ARMC8: variants seen among roughly 807,000 people sequenced by gnomAD.
The protein encoded by ARMC8 is armadillo repeat-containing protein 8.
Under a neutral mutation model 99.3 loss-of-function variants are expected in ARMC8, and 20 were observed. The ratio of observed to expected loss-of-function variants is 0.20; its 90% confidence interval spans 0.14 to 0.29. The LOEUF (loss-of-function observed/expected upper bound fraction) is 0.29, where lower values mean the gene tolerates loss of function less well. ARMC8 is among the 10% of genes least tolerant of loss of function. The pLI is 1.00. For missense variants in ARMC8, 569 were observed against 809.5 expected (o/e 0.70, Z 3.60); for synonymous variants, 263 against 278.3 (o/e 0.95, Z 0.55).
At chr3:138,274,898 G>T (rs543103132) in intron 18 of ARMC8, among the ~76,000 whole-genome samples, 1 of 152,136 alleles carries the variant, frequency 6.6e-6, no homozygotes, top group South Asian at 2.1e-4. Context: ...CCTCTCCGCC[G>T]CCATGCTCTC....
At chr3:138,272,901 C>T in intron 16 of ARMC8, 66 bp from the exon 17 acceptor site, 1 of 1,252,768 alleles carries the variant, frequency 8.0e-7, no homozygotes, top group South Asian at 2.1e-5. Flanking sequence ...ACCAGAGTTA[C>T]TATTAAAATA....
At chr3:138,190,371 C>T (rs910038814) in intron 1 of ARMC8, among the ~76,000 whole-genome samples, 30 of 150,952 alleles carry the variant, frequency 2.0e-4, no homozygotes, top group African/African-American at 6.6e-4. Flanking sequence ...ACTGCAACCA[C>T]CGCCTCCGGG....
At chr3:138,216,962 A>G (rs554954834) in intron 2 of ARMC8, among the ~76,000 whole-genome samples, 3 of 152,330 alleles carry the variant, frequency 2.0e-5, no homozygotes, top group African/African-American at 4.8e-5. Flanking sequence ...ATAATACTGT[A>G]TTTTTGTATT....
chr3:138,218,154 TA>T, intron 2 of ARMC8, among the ~76,000 whole-genome samples: 1 of 152,204 alleles, frequency 6.6e-6, no homozygotes, highest in African/African-American at 2.4e-5. Flanking sequence ...GTCAAATAAC[TA>T]AAGAGACCAT....
rs568297291 is a variant in ARMC8, at chr3:138,251,125, CTACTGCACTA to C, written c.1134+5943_1134+5952del. On this transcript the variant is annotated intron_variant, in intron 12 of 21. Transcript: ENST00000469044. ...GTGATCACACTGTCACACCACTGTA[CTACTGCACTA>C]CAGCCTAGGTGACAGAGTGAAACCC... Among the ~76,000 whole-genome samples the C allele has an allele frequency of 1.9e-3, 296 of 151,810 alleles. 1 individual carries two copies. Among genetic ancestry groups the C allele is most frequent in the Non-Finnish European group, 3.0e-3 (205 of 67,970 alleles).
intron 1 of ARMC8, among the ~76,000 whole-genome samples, chr3:138,209,568 T>TC (rs1234909147): frequency 2.0e-5 from 3 of 152,202 alleles, no homozygotes; most frequent in Non-Finnish European, 1.5e-5. Flanking sequence ...TGGGCATTCT[T>TC]AGAAGAAAAA....
At chr3:138,285,426 T>G (rs1229261413) in intron 19 of ARMC8, among the ~76,000 whole-genome samples, 1 of 150,930 alleles carries the variant, frequency 6.6e-6, no homozygotes, top group Non-Finnish European at 1.5e-5. Context: ...ATCTTATTCC[T>G]CTCTTCCTTT....
intron 16 of ARMC8, among the ~76,000 whole-genome samples, chr3:138,271,298 T>C (rs1464103417): frequency 1.3e-5 from 2 of 152,210 alleles, no homozygotes; most frequent in Admixed American, 1.3e-4. Flanking sequence ...TTCAACCTCT[T>C]CTCTGAGAAC....
intron 1 of ARMC8, among the ~76,000 whole-genome samples, chr3:138,189,747 C>T (rs2043271244): frequency 6.6e-6 from 1 of 152,148 alleles, no homozygotes; most frequent in African/African-American, 2.4e-5. Flanking sequence ...TTTTCCTGTA[C>T]CCTTAACTGA....
At chr3:138,283,134 A>C (rs1192610568) in intron 18 of ARMC8, among the ~76,000 whole-genome samples, 1 of 152,202 alleles carries the variant, frequency 6.6e-6, no homozygotes, top group Admixed American at 6.5e-5. Flanking sequence ...TGTGTCTCAG[A>C]GGCAGCCTTT....
chr3:138,288,538 T>G (rs1488918091), intron 19 of ARMC8, among the ~76,000 whole-genome samples: 1 of 152,116 alleles, frequency 6.6e-6, no homozygotes, highest in Non-Finnish European at 1.5e-5. Context: ...TGCCAGATTC[T>G]CCACTGTCCC....
chr3:138,230,568 G>A (rs1202131272), intron 6 of ARMC8, among the ~76,000 whole-genome samples: 2 of 152,228 alleles, frequency 1.3e-5, no homozygotes, highest in Middle Eastern at 3.4e-3. Flanking sequence ...TGGGAAGATC[G>A]ATTGAGCACA....
intron 1 of ARMC8, 40 bp downstream of exon 1, chr3:138,187,639 A>G: frequency 6.5e-7 from 1 of 1,533,670 alleles, no homozygotes; most frequent in Non-Finnish European, 8.7e-7. Flanking sequence ...CCCTCCAGGA[A>G]GCCTCATCCC....
At chr3:138,190,630 A>T (rs1422680464) in intron 1 of ARMC8, among the ~76,000 whole-genome samples, 2 of 152,070 alleles carry the variant, frequency 1.3e-5, no homozygotes, top group African/African-American at 4.8e-5. Context: ...TCCTGTATAA[A>T]CCGGCTTTCT....
At chr3:138,278,919 T>G (rs2049586121) in intron 18 of ARMC8, among the ~76,000 whole-genome samples, 2 of 152,228 alleles carry the variant, frequency 1.3e-5, no homozygotes, top group South Asian at 4.1e-4. Context: ...CCAAAGTCAC[T>G]TTAAGTTATT....
chr3:138,255,944 C>T (rs568603610), intron 12 of ARMC8, among the ~76,000 whole-genome samples: 3 of 152,122 alleles, frequency 2.0e-5, no homozygotes, highest in African/African-American at 7.2e-5. Context: ...TTCGCCTGGG[C>T]GACAGAGTGA....
chr3:138,284,370 A>T, intron 18 of ARMC8, 61 bp from the exon 19 acceptor site: 1 of 1,330,220 alleles, frequency 7.5e-7, no homozygotes, highest in Non-Finnish European at 1.1e-6. Context: ...CAAGCTCTTG[A>T]GACAGCTTGA....
At position 138,269,976 on chromosome 3, in the gene ARMC8, T is replaced by C. The variant is rs1304155492; in HGVS notation, c.1387-64T>C. 4 of 1,101,932 alleles carry C rather than the reference T, an allele frequency of 3.6e-6. No individual in the cohort carries two copies. In the African/African-American group the frequency reaches 6.2e-5, roughly 17 times the overall value. 68.3% of individuals were successfully genotyped at this position (1,101,932 alleles called of 1,614,324 possible). A position where few individuals can be genotyped will look rare whatever the true frequency, so the allele number is the denominator to read the frequency against. On this transcript the variant is annotated intron_variant, in intron 15 of 21. Transcript: ENST00000469044. ...AGAAATCACAAAGTGCCAAGGTATA[T>C]GCATGTTTAGTTTGCAAACTGGACT...
chr3:138,187,598 C>G lies in ARMC8; in HGVS notation c.44C>G (p.Ser15Trp). Residue 15 changes from serine to tryptophan, a missense_variant and splice_region_variant, in exon 1 of 22, where the codon TCG (serine) becomes TGG (tryptophan). Physicochemically the swap from Ser to Trp is radical, Grantham distance 177 (BLOSUM62 -3). Transcript: ENST00000469044. ...ACCCCAATCCGCATGAGCGTCCTTT[C>G]GGTGAGTGACCCGCCGCGGCCGCCC... ...LETPIRMSVL[S>W]EVTASSRHYV... is the part of the protein sequence containing the mutation. The G allele has an allele frequency of 6.5e-7, 1 of 1,535,634 alleles. No individual in the cohort carries two copies.
Sources: gnomAD v4.1 joint callset for allele counts (sites outside exome capture counted in the v4.1 genomes callset) on GRCh38, gnomAD v4.1.1 for gene constraint, MANE v1.5 for transcripts, NCBI Gene and HGNC (gene_info 2026-07-23, HGNC 2026-07-21) for gene names.